AHRR: variants seen among roughly 807,000 people sequenced by gnomAD.
The protein encoded by AHRR is aryl hydrocarbon receptor repressor, also known as ahR repressor.
AHRR carries 28 observed loss-of-function variants against 44.0 expected under a neutral mutation model. That is an observed-to-expected ratio of 0.64 (90% CI 0.47 to 0.87). AHRR has a LOEUF of 0.87. Ranked by LOEUF, AHRR falls within the 40% of genes least tolerant of loss-of-function variation. The pLI, the probability that AHRR is intolerant of heterozygous loss-of-function variation, is 0.00. For missense variants in AHRR, 990 were observed against 953.9 expected, an observed-to-expected ratio of 1.04 and a Z score of -0.50; for synonymous variants, 434 against 407.0, an observed-to-expected ratio of 1.07 and a Z score of -0.80.
At chr5:431,502 G>T (rs988462700) in intron 8 of AHRR, among the ~76,000 whole-genome samples, 1 of 152,184 alleles carries the variant, frequency 6.6e-6, no homozygotes, top group Non-Finnish European at 1.5e-5. Flanking sequence ...GTCCTGAGCC[G>T]CAGGACTGTG....
At chr5:421,259 A>T (rs933455138) in intron 5 of AHRR, 1 of 697,882 alleles carries the variant, frequency 1.4e-6, no homozygotes, top group Non-Finnish European at 2.6e-6. Flanking sequence ...CACGGAGCGG[A>T]TGCCGTGTGC....
intron 4 of AHRR, among the ~76,000 whole-genome samples, chr5:378,575 A>T (rs1733843627): frequency 6.6e-6 from 1 of 152,214 alleles, no homozygotes. Flanking sequence ...GCCAAGACAG[A>T]TGGGCCACAG....
Position 412,718 on chromosome 5 carries a change from T to C in AHRR, c.352-626T>C, listed in dbSNP as rs922315368. ...TTCAACATTTTTCTCTCTCTCTCTTTTTTTTTTTTTTTTTTTTTCTGAGAC... is the reference window on the plus strand; with the variant it reads ...TTCAACATTTTTCTCTCTCTCTCTTCTTTTTTTTTTTTTTTTTTCTGAGAC... On this transcript the variant is annotated intron_variant, in intron 4 of 10. Transcript: ENST00000684583. Among the ~76,000 whole-genome samples, 177 of 111,744 alleles carry C rather than the reference T, an allele frequency of 1.6e-3. 1 individual carries two copies. The East Asian group carries it at 0.028, about 17-fold the overall frequency. 73.3% of individuals were successfully genotyped at this position (111,744 alleles called of 152,430 possible).
intron 4 of AHRR, among the ~76,000 whole-genome samples, chr5:400,047 C>T (rs1440237273): frequency 6.6e-6 from 1 of 152,026 alleles, no homozygotes; most frequent in East Asian, 1.9e-4. Flanking sequence ...GACGCCCGCC[C>T]GGTGCCCGCT....
chr5:418,510 C>T (rs1386010890), intron 5 of AHRR, among the ~76,000 whole-genome samples: 1 of 152,198 alleles, frequency 6.6e-6, no homozygotes, highest in Non-Finnish European at 1.5e-5. Context: ...GGTTCAGCAG[C>T]AGACCCTTTC....
At chr5:401,994 C>G (rs533124279) in intron 4 of AHRR, among the ~76,000 whole-genome samples, 1 of 152,118 alleles carries the variant, frequency 6.6e-6, no homozygotes, top group African/African-American at 2.4e-5. Context: ...CAAAGGAAAC[C>G]GTCAACACAA....
At position 434,568 on chromosome 5, in the gene AHRR, C is replaced by A. The variant is rs916489438; in HGVS notation, c.1828C>A (p.Pro610Thr). 1 of 1,587,438 alleles carries A rather than the reference C, an allele frequency of 6.3e-7. No homozygotes were observed. Among genetic ancestry groups the A allele is most frequent in the South Asian group, 1.1e-5 (1 of 88,048 alleles). ...TGCTGGGCGCAGCAGGGAGCTGACC[C>A]CTTTCCACCCTGCACACTGTGCCTG... ...ATAGRSRELT[P>T]FHPAHCACLE... The change falls in exon 11 of 11, where the codon CCT becomes ACT. Residue 610 changes from proline (P) to threonine (T), a missense_variant. By Grantham distance (38) the Pro-to-Thr change is conservative. Coordinates refer to ENST00000684583, the MANE Select transcript of AHRR (RefSeq NM_001377236.1).
At chr5:376,953 C>T (rs917768755) in intron 4 of AHRR, among the ~76,000 whole-genome samples, 1 of 152,154 alleles carries the variant, frequency 6.6e-6, no homozygotes, top group Non-Finnish European at 1.5e-5. Flanking sequence ...GAAGGCAGCC[C>T]GAGAGCTCTC....
intron 2 of AHRR, among the ~76,000 whole-genome samples, chr5:353,516 C>G (rs1039326039): frequency 6.6e-6 from 1 of 152,194 alleles, no homozygotes; most frequent in African/African-American, 2.4e-5. Flanking sequence ...TCTCTACATC[C>G]CCTCCAGATA....
intron 8 of AHRR, 28 bp downstream of exon 8, chr5:428,034 C>T: frequency 6.2e-7 from 1 of 1,600,792 alleles, no homozygotes; most frequent in Non-Finnish European, 8.5e-7. Flanking sequence ...TTCACAGCCA[C>T]ATGGTGCCTG....
chr5:401,428 T>C (rs1735009444), intron 4 of AHRR, among the ~76,000 whole-genome samples: 1 of 152,184 alleles, frequency 6.6e-6, no homozygotes. Context: ...GGGGGTGGGA[T>C]TGGCCCATGG....
chr5:421,215 C>A, intron 5 of AHRR: 1 of 679,902 alleles, frequency 1.5e-6, no homozygotes, highest in Non-Finnish European at 2.7e-6. Context: ...ACCCAGCGGC[C>A]TCCTCGTCGG....
At chr5:331,522 C>T (rs985354738) in intron 1 of AHRR, among the ~76,000 whole-genome samples, 1 of 152,132 alleles carries the variant, frequency 6.6e-6, no homozygotes. Context: ...GGTTTGTTCT[C>T]GCTTTTCTAG....
chr5:354,851 C>G (rs956531170), intron 3 of AHRR, among the ~76,000 whole-genome samples: 1 of 152,174 alleles, frequency 6.6e-6, no homozygotes, highest in African/African-American at 2.4e-5. Flanking sequence ...CTGCAGACCT[C>G]TGCGCACCCT....
chr5:412,001 T>C (rs775359219), intron 4 of AHRR, among the ~76,000 whole-genome samples: 7 of 152,156 alleles, frequency 4.6e-5, no homozygotes, highest in Non-Finnish European at 1.0e-4. Context: ...CTTTCGCGCA[T>C]CCTCACCGGT....
rs1004200264 is a variant in AHRR at position 367,869 on chromosome 5, C to G, written c.245-8741C>G. The G allele has an allele frequency of 7.1e-6, 5 of 702,544 alleles. No homozygotes were observed. In the East Asian group the frequency reaches 1.3e-4, roughly 19 times the overall value. 43.5% of individuals were successfully genotyped at this position (702,544 alleles called of 1,614,324 possible). On this transcript the variant is annotated intron_variant, in intron 3 of 10. Coordinates refer to ENST00000684583, the MANE Select transcript of AHRR (RefSeq NM_001377236.1). ...ATGACCACACGGGCGAACGAAGGCCCATGTCGTTCAGGAGGCCCCGAGCAT... is the reference window on the plus strand; with the variant it reads ...ATGACCACACGGGCGAACGAAGGCCGATGTCGTTCAGGAGGCCCCGAGCAT...
At chr5:332,981 T>C (rs1416898951) in intron 1 of AHRR, among the ~76,000 whole-genome samples, 1 of 151,426 alleles carries the variant, frequency 6.6e-6, no homozygotes, top group Non-Finnish European at 1.5e-5. Context: ...TTTTATCTGA[T>C]ATGAGTATAG....
Position 435,182 on chromosome 5 carries a change from G to A in AHRR, c.*348G>A. ...CATGGCTGCCAAGTCCACAGTCGGG[G>A]ATGAAGCAGTCGGGTGATGCTCCCA... On this transcript the variant is annotated 3_prime_UTR_variant, in exon 11 of 11. Transcript: ENST00000684583. 1 of 268,152 alleles carries A rather than the reference G, an allele frequency of 3.7e-6. No homozygotes were observed. The highest frequency in any genetic ancestry group is 6.2e-5 in the South Asian group (1 of 16,110). The allele number at this position is 268,152 out of a possible 1,614,324, so 16.6% of individuals were successfully genotyped here. A position where few individuals can be genotyped will look rare whatever the true frequency, so the allele number is the denominator to read the frequency against.
intron 4 of AHRR, among the ~76,000 whole-genome samples, chr5:393,359 G>A (rs1056987915): frequency 2.0e-5 from 3 of 152,222 alleles, no homozygotes; most frequent in African/African-American, 4.8e-5. Context: ...CGATCACGTC[G>A]CTCACTAACC....
Sources: gnomAD v4.1 joint callset for allele counts (sites outside exome capture counted in the v4.1 genomes callset) on GRCh38, gnomAD v4.1.1 for gene constraint, MANE v1.5 for transcripts, NCBI Gene and HGNC (gene_info 2026-07-23, HGNC 2026-07-21) for gene names.